The following RP1 variants were observed in gnomAD, a reference collection of about 807,000 sequenced individuals.
RP1 encodes RP1 axonemal microtubule associated.
RP1 carries 16 observed loss-of-function variants against 14.8 expected under a neutral mutation model. That is an observed-to-expected ratio of 1.08 (90% CI 0.73 to 1.65). The LOEUF (loss-of-function observed/expected upper bound fraction) is 1.65, where lower values mean the gene tolerates loss of function less well. RP1 is among the 40% of genes most tolerant of loss of function. RP1 has a pLI of 0.00. For missense variants in RP1, 2,631 were observed against 2,535.0 expected (o/e 1.04, Z -0.81); for synonymous variants, 876 against 883.6 (o/e 0.99, Z 0.15).
chr8:54,777,243 C>G (rs1810065594), intron 23 of RP1, among the ~76,000 whole-genome samples: 1 of 152,204 alleles, frequency 6.6e-6, no homozygotes, highest in Non-Finnish European at 1.5e-5. Context: ...CTATCCCTGT[C>G]TTGAGTGCTG....
chr8:54,559,426 T>G (rs1804233860), intron 1 of RP1: 1 of 152,194 alleles, frequency 6.6e-6, no homozygotes, highest in South Asian at 2.1e-4. Flanking sequence ...GATGTTTAAC[T>G]TTTATTTAAA....
intron 21 of RP1, among the ~76,000 whole-genome samples, chr8:54,755,924 G>C (rs889442826): frequency 9.2e-5 from 14 of 152,112 alleles, no homozygotes; most frequent in African/African-American, 3.4e-4. Flanking sequence ...AATGTGCTTT[G>C]TTTTGGAAGT....
chr8:54,576,019 A>C (rs1290512285), intron 1 of RP1, among the ~76,000 whole-genome samples: 4 of 151,396 alleles, frequency 2.6e-5, no homozygotes, highest in Admixed American at 6.6e-5. Context: ...TAGGGAGAAA[A>C]AGAAAGAATA....
chr8:54,771,967 C>G (rs547151602), downstream of RP1, among the ~76,000 whole-genome samples: 458 of 152,012 alleles, frequency 3.0e-3, 3 homozygotes, highest in African/African-American at 0.01. Context: ...GAAAGTAGAC[C>G]AAAATGCTAT....
At chr8:54,673,935 C>G (rs77213466) in intron 8 of RP1, 2 of 1,531,782 alleles carry the variant, frequency 1.3e-6, no homozygotes, top group African/African-American at 2.7e-5. Flanking sequence ...CCAGGTAAGA[C>G]TCTTCCACAG....
chr8:54,777,342 C>T (rs1328154616), intron 23 of RP1, among the ~76,000 whole-genome samples: 2 of 152,134 alleles, frequency 1.3e-5, no homozygotes, highest in South Asian at 2.1e-4. Context: ...CTACATCATA[C>T]AATAATCGGT....
intron 24 of RP1, among the ~76,000 whole-genome samples, chr8:54,833,861 C>G (rs1488238266): frequency 6.6e-6 from 1 of 151,918 alleles, no homozygotes; most frequent in Non-Finnish European, 1.5e-5. Context: ...TATAACACAT[C>G]ATCAAAACTT....
At chr8:54,790,714 T>C (rs1242293990) in intron 24 of RP1, among the ~76,000 whole-genome samples, 1 of 152,154 alleles carries the variant, frequency 6.6e-6, no homozygotes, top group East Asian at 1.9e-4. Context: ...AAAAATTCAG[T>C]ACAGAGCTTC....
intron 25 of RP1, among the ~76,000 whole-genome samples, chr8:54,840,692 C>A (rs1402824163): frequency 6.7e-6 from 1 of 149,606 alleles, no homozygotes; most frequent in Non-Finnish European, 1.5e-5. Flanking sequence ...GATTTTGGGT[C>A]CATTTAACTT....
intron 12 of RP1, among the ~76,000 whole-genome samples, chr8:54,699,234 G>T (rs1807953859): frequency 1.3e-5 from 2 of 151,690 alleles, no homozygotes; most frequent in African/African-American, 4.8e-5. Flanking sequence ...ATGGATCAAG[G>T]AATCACCAGT....
At chr8:54,868,489 G>A (rs1336087338) in intron 28 of RP1, among the ~76,000 whole-genome samples, 1 of 152,088 alleles carries the variant, frequency 6.6e-6, no homozygotes, top group African/African-American at 2.4e-5. Flanking sequence ...TAGTTTCATG[G>A]TTTGTTTGAC....
intron 24 of RP1, among the ~76,000 whole-genome samples, chr8:54,824,469 A>C (rs576439339): frequency 6.6e-6 from 1 of 152,280 alleles, no homozygotes. Context: ...TGGTTTCATT[A>C]GAGAATCCTA....
chr8:54,816,348 A>C (rs1406013465), intron 24 of RP1, among the ~76,000 whole-genome samples: 1 of 152,210 alleles, frequency 6.6e-6, no homozygotes, highest in East Asian at 1.9e-4. Context: ...GGAAAATGCT[A>C]ATGGCCATTA....
upstream of RP1, among the ~76,000 whole-genome samples, chr8:54,615,858 A>T: frequency 6.6e-6 from 1 of 152,342 alleles, no homozygotes; most frequent in Middle Eastern, 3.4e-3. Context: ...TGGGAGAGAA[A>T]TGCTTGTGTA....
At chr8:54,563,519 A>C (rs991700615) in intron 1 of RP1, among the ~76,000 whole-genome samples, 2 of 87,554 alleles carry the variant, frequency 2.3e-5, no homozygotes, top group African/African-American at 7.4e-5. Flanking sequence ...AGCTATTATT[A>C]CTATTTGTGT....
intron 27 of RP1, among the ~76,000 whole-genome samples, chr8:54,857,778 A>C (rs554875785): frequency 2.0e-5 from 3 of 152,114 alleles, no homozygotes; most frequent in Non-Finnish European, 4.4e-5. Flanking sequence ...CTTGAACACC[A>C]TCCCTGATCC....
In RP1 at chr8:54,626,882, TGAA is replaced by T; in HGVS notation, c.3006_3008del (p.Glu1002del). 3 of 1,613,862 alleles carry T rather than the reference TGAA, an allele frequency of 1.9e-6. No homozygotes were observed. Among genetic ancestry groups the T allele is most frequent in the Non-Finnish European group, 2.5e-6 (3 of 1,179,960 alleles). On this transcript the variant is annotated inframe_deletion, in exon 4 of 4. Transcript: ENST00000220676. ...AGTCTTTTATTGCCAATGACACTGG[TGAA>T]GAAGATCTCCATGAGACACAGGTTG... is the stretch of plus-strand genomic sequence containing the variant.
chr8:54,675,627 C>T (rs953121614), intron 8 of RP1, among the ~76,000 whole-genome samples: 3 of 151,944 alleles, frequency 2.0e-5, no homozygotes, highest in African/African-American at 7.3e-5. Flanking sequence ...TTTAGTAAAA[C>T]AAAAATTTAA....
intron 24 of RP1, among the ~76,000 whole-genome samples, chr8:54,801,232 C>A (rs1810697954): frequency 6.6e-6 from 1 of 152,160 alleles, no homozygotes; most frequent in East Asian, 1.9e-4. Context: ...TTGTCTGTTG[C>A]AGCTCACAGC....
Sources: allele counts gnomAD v4.1 joint callset (sites outside exome capture counted in the v4.1 genomes callset), GRCh38; gene constraint gnomAD v4.1.1; transcripts MANE v1.5; gene names NCBI Gene and HGNC (gene_info 2026-07-23, HGNC 2026-07-21).